SLC38A1: variants seen among roughly 807,000 people sequenced by gnomAD.
SLC38A1 encodes the protein sodium-coupled neutral amino acid symporter 1.
In SLC38A1, 18 loss-of-function variants were observed where a neutral mutation model predicts 60.3. The ratio of observed to expected loss-of-function variants is 0.30; its 90% confidence interval spans 0.21 to 0.44. The LOEUF (loss-of-function observed/expected upper bound fraction) is 0.44. SLC38A1 is among the 20% of genes least tolerant of loss of function. SLC38A1 has a pLI of 1.00. For missense variants in SLC38A1, 448 were observed against 587.2 expected, an observed-to-expected ratio of 0.76 and a Z score of 2.45; for synonymous variants, 196 against 212.1, an observed-to-expected ratio of 0.92 and a Z score of 0.66.
chr12:46,256,636 C>CACACACAGAG (rs142176282), intron 1 of SLC38A1, among the ~76,000 whole-genome samples: 17 of 123,266 alleles, frequency 1.4e-4, no homozygotes, highest in South Asian at 8.3e-4. Context: ...CACACACACA[C>CACACACAGAG]AGAGAGAGAG....
intron 3 of SLC38A1, 43 bp from the exon 4 acceptor site, chr12:46,229,682 T>C: frequency 6.7e-7 from 1 of 1,502,468 alleles, no homozygotes; most frequent in Non-Finnish European, 9.3e-7. Flanking sequence ...TGATAATGAT[T>C]TGAAGCTTGA....
At chr12:46,225,583 T>C (rs1940831678) in intron 5 of SLC38A1, among the ~76,000 whole-genome samples, 2 of 152,210 alleles carry the variant, frequency 1.3e-5, no homozygotes, top group Non-Finnish European at 2.9e-5. Flanking sequence ...CTCTGGGTGA[T>C]CTGAACAGCC....
intron 3 of SLC38A1, chr12:46,239,311 T>G: frequency 6.4e-6 from 1 of 155,898 alleles, no homozygotes; most frequent in Non-Finnish European, 1.4e-5. Flanking sequence ...TTTAAAACCA[T>G]TTCTTTTTCT....
At chr12:46,219,436 C>A (rs1330581390) in intron 5 of SLC38A1, among the ~76,000 whole-genome samples, 4 of 152,140 alleles carry the variant, frequency 2.6e-5, no homozygotes, top group South Asian at 2.1e-4. Context: ...AATTAAAAGT[C>A]AATCTTACCT....
In SLC38A1 at chr12:46,210,745, T is replaced by C. The variant is rs573316251; in HGVS notation, c.315-1618A>G. Among the ~76,000 whole-genome samples the C allele has an allele frequency of 9.8e-5, 15 of 152,308 alleles. No individual in the cohort carries two copies. In the South Asian group the frequency reaches 3.1e-3, roughly 32 times the overall value. On this transcript the variant is annotated intron_variant, in intron 5 of 16. Coordinates refer to ENST00000398637, the MANE Select transcript of SLC38A1 (RefSeq NM_030674.4). ...CTTTCACTTGTCTCTCAATTCTCTC[T>C]TGTCTGCGGGCAAGTAAAATGTGTT...
At chr12:46,212,007 T>C (rs898000036) in intron 5 of SLC38A1, among the ~76,000 whole-genome samples, 9 of 152,172 alleles carry the variant, frequency 5.9e-5, no homozygotes, top group African/African-American at 1.7e-4. Flanking sequence ...GGATTAAAAT[T>C]TAGAAAAGTA....
rs751489095 is a variant in SLC38A1, at chr12:46,229,195, C to A, written c.272G>T (p.Gly91Val). 1 of 1,613,624 alleles carries A rather than the reference C, an allele frequency of 6.2e-7. No individual in the cohort carries two copies. Among genetic ancestry groups the A allele is most frequent in the Non-Finnish European group, 8.5e-7 (1 of 1,179,764 alleles). The part of the protein sequence containing the change: ...SNAIMGSGIL[G>V]LAFALANTGI... ...AGTGTTTGCCAGGGCAAAGGCGAGTCCCAAAATCCCACTGCCCATAATGGC... is the reference window on the plus strand; with the variant it reads ...AGTGTTTGCCAGGGCAAAGGCGAGTACCAAAATCCCACTGCCCATAATGGC... Residue 91 changes from glycine to valine, a missense_variant, in exon 5 of 17, where the codon GGA becomes GTA. Transcript: ENST00000398637.
chr12:46,242,641 TCAAAA>T (rs1282829412), intron 2 of SLC38A1, among the ~76,000 whole-genome samples: 1 of 151,606 alleles, frequency 6.6e-6, no homozygotes, highest in Non-Finnish European at 1.5e-5. Context: ...CAACAAAAAA[TCAAAA>T]CAAAACATTA....
chr12:46,253,864 A>G (rs1249779865), intron 1 of SLC38A1, among the ~76,000 whole-genome samples: 1 of 152,074 alleles, frequency 6.6e-6, no homozygotes, highest in Admixed American at 6.6e-5. Flanking sequence ...TGGTATTCCT[A>G]CCTAACTATG....
intron 5 of SLC38A1, among the ~76,000 whole-genome samples, chr12:46,228,222 G>C (rs753476652): frequency 1.3e-5 from 2 of 152,178 alleles, no homozygotes; most frequent in African/African-American, 2.4e-5. Context: ...AGGGCAGCAT[G>C]GATGGGCATT....
chr12:46,212,669 GA>G (rs759817945), intron 5 of SLC38A1, among the ~76,000 whole-genome samples: 1 of 152,188 alleles, frequency 6.6e-6, no homozygotes, highest in Non-Finnish European at 1.5e-5. Flanking sequence ...CTCCTGAGAA[GA>G]AACTTAGAAT....
At chr12:46,249,015 G>T (rs553826678) in intron 1 of SLC38A1, among the ~76,000 whole-genome samples, 1 of 152,098 alleles carries the variant, frequency 6.6e-6, no homozygotes, top group South Asian at 2.1e-4. Flanking sequence ...AATTAACCAG[G>T]TGCGGTGGCG....
chr12:46,202,405 T>A (rs1405321213), intron 12 of SLC38A1, among the ~76,000 whole-genome samples: 1 of 152,202 alleles, frequency 6.6e-6, no homozygotes, highest in Non-Finnish European at 1.5e-5. Context: ...TTTTTGTTTA[T>A]GTTTGATAAC....
chr12:46,259,836 A>G (rs528850092), intron 1 of SLC38A1, among the ~76,000 whole-genome samples: 2 of 152,214 alleles, frequency 1.3e-5, no homozygotes, highest in Admixed American at 1.3e-4. Context: ...TTTATCTGGA[A>G]CATAACTCTG....
intron 13 of SLC38A1, among the ~76,000 whole-genome samples, chr12:46,199,038 A>G (rs571380143): frequency 6.6e-6 from 1 of 152,130 alleles, no homozygotes; most frequent in Non-Finnish European, 1.5e-5. Context: ...AGAATGAAAC[A>G]TACAGTTGAA....
chr12:46,217,144 C>T (rs1940449877), intron 5 of SLC38A1, among the ~76,000 whole-genome samples: 1 of 152,076 alleles, frequency 6.6e-6, no homozygotes, highest in African/African-American at 2.4e-5. Context: ...TTTTAAAATA[C>T]TTCACTTATG....
chr12:46,202,594 C>T (rs1165546724), intron 12 of SLC38A1, among the ~76,000 whole-genome samples: 1 of 152,170 alleles, frequency 6.6e-6, no homozygotes, highest in African/African-American at 2.4e-5. Flanking sequence ...GATTTACTAG[C>T]CTTTTCACCC....
chr12:46,268,832 C>T lies in SLC38A1; in HGVS notation c.-515G>A, dbSNP rs762699027. On this transcript the variant is annotated 5_prime_UTR_variant, in exon 1 of 17. Coordinates refer to ENST00000398637, the MANE Select transcript of SLC38A1 (RefSeq NM_030674.4). This position sits in a 1 kb window ranked among gnomAD's most constrained non-coding sequence, Gnocchi z 4.4. ...AGAATCTCCCCTCACCACCAACCCC[C>T]ACTCACACTCTGCTCGCCGGCCTCG... The T allele has an allele frequency of 1.6e-4, 70 of 450,634 alleles. No individual in the cohort carries two copies. Among genetic ancestry groups the T allele is most frequent in the Non-Finnish European group, 3.0e-4 (66 of 223,086 alleles). The allele number at this position is 450,634 out of a possible 1,614,324, so 27.9% of individuals were successfully genotyped here.
intron 3 of SLC38A1, 25 bp downstream of exon 3, chr12:46,239,654 G>A: frequency 2.5e-6 from 4 of 1,612,630 alleles, no homozygotes; most frequent in Non-Finnish European, 3.4e-6. Flanking sequence ...TCACTGGATA[G>A]AAATGTTAGT....
Sources: gnomAD v4.1 joint callset for allele counts (sites outside exome capture counted in the v4.1 genomes callset) on GRCh38, gnomAD v4.1.1 for gene constraint, Gnocchi (gnomAD v3.1) non-coding constraint, MANE v1.5 for transcripts, NCBI Gene and HGNC (gene_info 2026-07-23, HGNC 2026-07-21) for gene names.